The following DSCAM variants were observed in gnomAD, a reference collection of about 807,000 sequenced individuals.
The protein encoded by DSCAM is DS cell adhesion molecule.
DSCAM carries 47 observed loss-of-function variants against 217.7 expected under a neutral mutation model. The ratio of observed to expected loss-of-function variants is 0.22; its 90% CI spans 0.17 to 0.28. The LOEUF (loss-of-function observed/expected upper bound fraction) is 0.28. Among genes scored for constraint, DSCAM ranks in the 10% least tolerant of loss-of-function variants. The pLI is 1.00. For synonymous variants in DSCAM, 1,056 were observed against 1,015.3 expected (o/e 1.04, Z -0.76); for missense variants, 2,080 against 2,618.3 (o/e 0.79, Z 4.49).
chr21:40,159,604 A>G (rs1284575218), intron 16 of DSCAM, among the ~76,000 whole-genome samples: 2 of 152,172 alleles, frequency 1.3e-5, no homozygotes, highest in Non-Finnish European at 2.9e-5. Context: ...AATTTTTGAG[A>G]CGAGTCTTGC....
intron 3 of DSCAM, among the ~76,000 whole-genome samples, chr21:40,666,184 G>A (rs935624867): frequency 6.6e-6 from 1 of 152,162 alleles, no homozygotes; most frequent in Admixed American, 6.5e-5. Context: ...ATGAAGATAG[G>A]CACATACTGA....
At chr21:40,821,373 A>G (rs1020976055) in intron 1 of DSCAM, among the ~76,000 whole-genome samples, 5 of 147,616 alleles carry the variant, frequency 3.4e-5, no homozygotes, top group Admixed American at 2.1e-4. Context: ...GCATGCATGC[A>G]CACACACAGA....
chr21:40,538,407 T>A (rs1237824180), intron 3 of DSCAM, among the ~76,000 whole-genome samples: 1 of 152,176 alleles, frequency 6.6e-6, no homozygotes, highest in Non-Finnish European at 1.5e-5. Context: ...CTCCCCCAAG[T>A]ACTTTCCTCT....
At chr21:40,132,726 C>A (rs2090166327) in intron 19 of DSCAM, among the ~76,000 whole-genome samples, 1 of 152,180 alleles carries the variant, frequency 6.6e-6, no homozygotes, top group South Asian at 2.1e-4. Flanking sequence ...TGGAAGATGG[C>A]AGGCTCAGAA....
chr21:40,143,566 C>A (rs990771148), intron 17 of DSCAM, among the ~76,000 whole-genome samples: 1 of 152,172 alleles, frequency 6.6e-6, no homozygotes, highest in African/African-American at 2.4e-5. Context: ...CCGAGGCGGG[C>A]AGATCACGAG....
chr21:40,607,733 G>A (rs966914695), intron 3 of DSCAM, among the ~76,000 whole-genome samples: 1 of 152,022 alleles, frequency 6.6e-6, no homozygotes, highest in East Asian at 1.9e-4. Flanking sequence ...CATGTAAGAC[G>A]TGCCTTTCAC....
rs115252216 is a variant in DSCAM at position 40,595,836 on chromosome 21, G to A, written c.508+96974C>T. The stretch of plus-strand genomic sequence containing the variant: ...ACTACAGTCTTTGGATCCAAACATC[G>A]CGAATGAGAAATGCTTTAGGCAAAG... On this transcript the variant is annotated intron_variant, in intron 3 of 32. Transcript: ENST00000400454. Among the ~76,000 whole-genome samples, 648 of 152,256 alleles carry A rather than the reference G, an allele frequency of 4.3e-3. 3 individuals are homozygous for A. Among genetic ancestry groups the A allele is most frequent in the African/African-American group, 0.014 (576 of 41,550 alleles).
chr21:40,215,225 CAAAAAAAA>C (rs1162761613), intron 11 of DSCAM, among the ~76,000 whole-genome samples: 1 of 5,480 alleles, frequency 1.8e-4, no homozygotes, highest in African/African-American at 4.3e-4. Context: ...GACTCCGTCT[CAAAAAAAA>C]AAAAAAAAAA....
chr21:40,168,520 A>G (rs1261884275), intron 15 of DSCAM, among the ~76,000 whole-genome samples: 1 of 152,240 alleles, frequency 6.6e-6, no homozygotes, highest in Non-Finnish European at 1.5e-5. Context: ...AATCCTTTAG[A>G]TTAAAAAATG....
chr21:40,222,568 C>T (rs1053035657), intron 11 of DSCAM, among the ~76,000 whole-genome samples: 12 of 152,176 alleles, frequency 7.9e-5, no homozygotes, highest in Non-Finnish European at 1.3e-4. Flanking sequence ...TATGCTTCAA[C>T]GAACATAACA....
At chr21:40,497,045 ATT>A (rs1347732872) in intron 3 of DSCAM, among the ~76,000 whole-genome samples, 1 of 152,186 alleles carries the variant, frequency 6.6e-6, no homozygotes, top group Non-Finnish European at 1.5e-5. Flanking sequence ...ATTGGTGGAA[ATT>A]TACACTGGTA....
chr21:40,039,115 T>C lies in DSCAM; in HGVS notation c.5686+3256A>G, dbSNP rs529817896. Reference sequence around the variant, plus strand: ...CGCACCAGAATGGCACATGTATACATATGTAACTAACCTGCACAATATGCA... The same window carrying C: ...CGCACCAGAATGGCACATGTATACACATGTAACTAACCTGCACAATATGCA... On this transcript the variant is annotated intron_variant, in intron 32 of 32. Coordinates refer to ENST00000400454, the MANE Select transcript of DSCAM (RefSeq NM_001389.5). Among the ~76,000 whole-genome samples the C allele has an allele frequency of 1.6e-4, 25 of 152,004 alleles. No homozygotes were observed. In the South Asian group the frequency reaches 5.2e-3, roughly 32 times the overall value.
At chr21:40,282,869 G>A (rs1284353461) in intron 10 of DSCAM, among the ~76,000 whole-genome samples, 3 of 152,140 alleles carry the variant, frequency 2.0e-5, no homozygotes, top group Admixed American at 1.3e-4. Flanking sequence ...AGGATGATCT[G>A]TTTATTCCTA....
chr21:40,682,485 T>A, intron 3 of DSCAM, among the ~76,000 whole-genome samples: 2 of 136,412 alleles, frequency 1.5e-5, no homozygotes, highest in African/African-American at 5.7e-5. Flanking sequence ...TTGTAGATGA[T>A]GAAGCCCTAA....
rs559353574 is a variant in DSCAM, at chr21:40,550,474, G to A, written c.508+142336C>T. 9.0e-4 allele frequency among the ~76,000 whole-genome samples: 137 copies of A among 152,224 alleles called. 2 individuals carry two copies. In the South Asian group the frequency reaches 9.3e-3, roughly 10 times the overall value. The stretch of plus-strand genomic sequence containing the variant: ...TGGGAGGCAGGGGCTGCAGTGAGCC[G>A]AGATCACGCCATTGCACTCCAGAAT... On this transcript the variant is annotated intron_variant, in intron 3 of 32. Coordinates refer to ENST00000400454, the MANE Select transcript of DSCAM (RefSeq NM_001389.5).
chr21:40,510,585 G>C (rs553581910), intron 3 of DSCAM, among the ~76,000 whole-genome samples: 68 of 152,300 alleles, frequency 4.5e-4, no homozygotes, highest in African/African-American at 1.5e-3. Context: ...GAGTCAGCTA[G>C]GAGTTGGAAG....
At chr21:40,507,172 G>A (rs1323936883) in intron 3 of DSCAM, among the ~76,000 whole-genome samples, 3 of 152,134 alleles carry the variant, frequency 2.0e-5, no homozygotes, top group Non-Finnish European at 4.4e-5. Flanking sequence ...AGCTACTCGG[G>A]AAGCTGAGGC....
chr21:40,557,620 C>A (rs368490250), intron 3 of DSCAM, among the ~76,000 whole-genome samples: 3 of 152,256 alleles, frequency 2.0e-5, no homozygotes, highest in South Asian at 4.2e-4. Context: ...CAGGCGTGAG[C>A]CACCATGCCC....
At chr21:40,355,233 T>C (rs1463629734) in intron 4 of DSCAM, among the ~76,000 whole-genome samples, 1 of 152,198 alleles carries the variant, frequency 6.6e-6, no homozygotes, top group Admixed American at 6.5e-5. Context: ...ACTCAAGATA[T>C]GGTCCTCAGG....
Sources: allele counts gnomAD v4.1 joint callset (sites outside exome capture counted in the v4.1 genomes callset), GRCh38; gene constraint gnomAD v4.1.1; transcripts MANE v1.5; gene names NCBI Gene and HGNC (gene_info 2026-07-23, HGNC 2026-07-21).